Variants in LSAMP observed in about 807,000 individuals in gnomAD.
LSAMP encodes limbic system associated membrane protein.
In LSAMP, 7 loss-of-function variants were observed where a neutral mutation model predicts 38.6. The observed-to-expected ratio is 0.18, with a 90% CI of 0.10 to 0.34. LSAMP has a LOEUF of 0.34. LSAMP is among the 10% of genes least tolerant of loss of function. The pLI is 1.00. For synonymous variants in LSAMP, 154 were observed against 166.8 expected, an observed-to-expected ratio of 0.92 and a Z score of 0.59; for missense variants, 313 against 420.0, an observed-to-expected ratio of 0.75 and a Z score of 2.23.
At chr3:116,347,171 T>C (rs2048074360) in intron 1 of LSAMP, among the ~76,000 whole-genome samples, 1 of 152,206 alleles carries the variant, frequency 6.6e-6, no homozygotes, top group South Asian at 2.1e-4. Flanking sequence ...CTTTTATACT[T>C]AAATAAAACC....
At chr3:116,194,237 G>C (rs1710822792) in intron 1 of LSAMP, among the ~76,000 whole-genome samples, 1 of 152,146 alleles carries the variant, frequency 6.6e-6, no homozygotes, top group Admixed American at 6.6e-5. Flanking sequence ...TCCCATGGGA[G>C]ACCTCAGATA....
chr3:116,348,939 A>C (rs1236983279), intron 1 of LSAMP, among the ~76,000 whole-genome samples: 1 of 152,110 alleles, frequency 6.6e-6, no homozygotes, highest in Non-Finnish European at 1.5e-5. Flanking sequence ...TACTTTTGTA[A>C]TCTGTATAAT....
chr3:116,372,955 A>G (rs574145971), intron 1 of LSAMP, among the ~76,000 whole-genome samples: 56 of 151,444 alleles, frequency 3.7e-4, no homozygotes, highest in Non-Finnish European at 5.9e-4. Flanking sequence ...GTAAAATGGT[A>G]CAGATGTTGT....
chr3:116,127,511 A>G (rs868680351), intron 1 of LSAMP, among the ~76,000 whole-genome samples: 3 of 152,182 alleles, frequency 2.0e-5, no homozygotes, highest in African/African-American at 7.2e-5. Flanking sequence ...TAATACTATC[A>G]AAGTACATTT....
intron 1 of LSAMP, among the ~76,000 whole-genome samples, chr3:116,422,381 T>G (rs1286851345): frequency 6.6e-6 from 1 of 152,218 alleles, no homozygotes; most frequent in East Asian, 1.9e-4. Context: ...TACATAACAT[T>G]TACTTTGTAT....
At chr3:115,846,825 T>C (rs1210824832) in intron 4 of LSAMP, among the ~76,000 whole-genome samples, 1 of 152,158 alleles carries the variant, frequency 6.6e-6, no homozygotes, top group Non-Finnish European at 1.5e-5. Flanking sequence ...ATTTCTATTA[T>C]TTACAGGGTA....
chr3:116,316,910 T>C (rs1157716748), intron 1 of LSAMP, among the ~76,000 whole-genome samples: 1 of 151,862 alleles, frequency 6.6e-6, no homozygotes, highest in Non-Finnish European at 1.5e-5. Context: ...GGTCACTCAA[T>C]TTGGCCAGAG....
chr3:116,134,183 A>T (rs1709196714), intron 1 of LSAMP, among the ~76,000 whole-genome samples: 1 of 152,186 alleles, frequency 6.6e-6, no homozygotes, highest in African/African-American at 2.4e-5. Flanking sequence ...GCCATACTTG[A>T]TTCTTCTCTT....
chr3:115,907,440 G>C (rs1937033493), intron 3 of LSAMP, among the ~76,000 whole-genome samples: 1 of 151,754 alleles, frequency 6.6e-6, no homozygotes, highest in South Asian at 2.1e-4. Context: ...AGCAGAGAGT[G>C]GGCCTGCAGC....
At chr3:116,407,741 T>G (rs1421539572) in intron 1 of LSAMP, among the ~76,000 whole-genome samples, 1 of 152,052 alleles carries the variant, frequency 6.6e-6, no homozygotes, top group Non-Finnish European at 1.5e-5. Context: ...ATTTGCAAGC[T>G]GAGCATGACA....
At chr3:116,347,517 T>G (rs1210632112) in intron 1 of LSAMP, among the ~76,000 whole-genome samples, 3 of 152,178 alleles carry the variant, frequency 2.0e-5, no homozygotes. Context: ...CTCTCTTTCT[T>G]GTACTAGCTA....
chr3:116,117,088 T>C (rs1403093066), intron 1 of LSAMP, among the ~76,000 whole-genome samples: 1 of 152,254 alleles, frequency 6.6e-6, no homozygotes, highest in Non-Finnish European at 1.5e-5. Context: ...TAATTTTTTA[T>C]GCAGCAAGGG....
chr3:116,295,067 A>T (rs571662430), intron 1 of LSAMP, among the ~76,000 whole-genome samples: 1 of 152,334 alleles, frequency 6.6e-6, no homozygotes, highest in Non-Finnish European at 1.5e-5. Context: ...TGTATGGAAC[A>T]CAAAAGATTG....
chr3:116,209,214 C>A (rs990145280), intron 1 of LSAMP, among the ~76,000 whole-genome samples: 1 of 152,160 alleles, frequency 6.6e-6, no homozygotes, highest in Non-Finnish European at 1.5e-5. Context: ...ACTCCCTGAC[C>A]CCTTGCACTT....
chr3:116,289,901 T>C (rs1375384763), intron 1 of LSAMP, among the ~76,000 whole-genome samples: 1 of 152,218 alleles, frequency 6.6e-6, no homozygotes, highest in Non-Finnish European at 1.5e-5. Flanking sequence ...TAAACCTGGA[T>C]TAAAAAGCTA....
intron 1 of LSAMP, among the ~76,000 whole-genome samples, chr3:116,277,300 G>A (rs529359961): frequency 9.9e-5 from 15 of 152,098 alleles, no homozygotes; most frequent in African/African-American, 2.7e-4. Flanking sequence ...CTAGGCATAA[G>A]AATTTCCAGG....
rs556065801 is a variant in LSAMP at position 115,805,031 on chromosome 3, A to G, written c.*5286T>C. ...GAATGGAAAATAAAAACTGAGTAAT[A>G]TTTTGCTCATCAAGGTTTAGGTCAC... On this transcript the variant is annotated 3_prime_UTR_variant, in exon 7 of 7. Coordinates refer to ENST00000490035, the MANE Select transcript of LSAMP (RefSeq NM_002338.5). 1.3e-5 allele frequency: 2 copies of G among 152,342 alleles called. No homozygotes were observed. Among genetic ancestry groups the G allele is most frequent in the Middle Eastern group, 6.8e-3 (2 of 294 alleles). 9.4% of individuals were successfully genotyped at this position (152,342 alleles called of 1,614,324 possible). A position where few individuals can be genotyped will look rare whatever the true frequency, so the allele number is the denominator to read the frequency against.
At chr3:115,959,071 G>A (rs1413763035) in intron 3 of LSAMP, among the ~76,000 whole-genome samples, 1 of 152,074 alleles carries the variant, frequency 6.6e-6, no homozygotes, top group Admixed American at 6.6e-5. Context: ...TTATAGATTT[G>A]TCTCCTGATC....
intron 3 of LSAMP, among the ~76,000 whole-genome samples, chr3:115,932,756 T>C (rs1937601071): frequency 6.6e-6 from 1 of 152,244 alleles, no homozygotes; most frequent in Non-Finnish European, 1.5e-5. Flanking sequence ...AAATGATATG[T>C]ATCTAATGAC....
Sources: allele counts gnomAD v4.1 joint callset (sites outside exome capture counted in the v4.1 genomes callset), GRCh38; gene constraint gnomAD v4.1.1; transcripts MANE v1.5; gene names NCBI Gene and HGNC (gene_info 2026-07-23, HGNC 2026-07-21).